The following MCTP1 variants were observed in gnomAD, a reference collection of about 807,000 sequenced individuals.
MCTP1 encodes the protein multiple C2 and transmembrane domain-containing protein 1.
Under a neutral mutation model 120.6 loss-of-function variants are expected in MCTP1, and 69 were observed. The observed-to-expected ratio is 0.57, with a 90% CI of 0.47 to 0.70. The LOEUF (loss-of-function observed/expected upper bound fraction) is 0.70. Among genes scored for constraint, MCTP1 ranks in the 30% least tolerant of loss-of-function variants. MCTP1 has a pLI of 0.00. For missense variants in MCTP1, 1,203 were observed against 1,248.8 expected (o/e 0.96, Z 0.55); for synonymous variants, 529 against 493.1 (o/e 1.07, Z -0.96).
At chr5:94,821,420 TC>T (rs1012379594) in intron 17 of MCTP1, among the ~76,000 whole-genome samples, 54 of 152,286 alleles carry the variant, frequency 3.5e-4, no homozygotes, top group African/African-American at 1.3e-3. Flanking sequence ...ATTTTGATCT[TC>T]CCCTGTCTAG....
At chr5:95,272,861 G>GT (rs1293234597) in intron 1 of MCTP1, among the ~76,000 whole-genome samples, 7 of 152,288 alleles carry the variant, frequency 4.6e-5, no homozygotes, top group Non-Finnish European at 5.9e-5. Context: ...AAATGGTCAA[G>GT]TTTTTTTTCC....
rs2152749524 is a variant in MCTP1, at chr5:95,284,103, G to T, written c.473C>A (p.Ser158Tyr). The T allele has an allele frequency of 6.4e-7, 1 of 1,551,372 alleles. No individual in the cohort carries two copies. The highest frequency in any genetic ancestry group is 2.4e-5 in the East Asian group (1 of 41,160). Residue 158 changes from serine to tyrosine, a missense_variant, in exon 1 of 23, where the codon TCC becomes TAC. Ser to Tyr is a moderately radical substitution (Grantham distance 144, BLOSUM62 -2). This residue lies in a region of MCTP1 where 463 missense variants were observed against 377.8 expected (regional missense o/e 1.23). Coordinates refer to ENST00000515393, the MANE Select transcript of MCTP1 (RefSeq NM_024717.7). The surrounding 1 kb of genome is among the most constrained non-coding windows in gnomAD (Gnocchi z 5.2). ...CAGGGAGGATGAGGCGGAGGAAGAG[G>T]AAGGAGCTGAGTCGGGGGAGCGTCC... is the stretch of plus-strand genomic sequence containing the variant. ...PGGRSPDSAP[S>Y]SSSASSSLSS...
chr5:95,031,935 G>A (rs1339012887), intron 1 of MCTP1, among the ~76,000 whole-genome samples: 2 of 152,092 alleles, frequency 1.3e-5, no homozygotes. Context: ...AAGAACTGTG[G>A]TTGCTATTCT....
chr5:95,205,176 G>C (rs979703477), intron 1 of MCTP1, among the ~76,000 whole-genome samples: 1 of 152,144 alleles, frequency 6.6e-6, no homozygotes, highest in African/African-American at 2.4e-5. Flanking sequence ...GAGAGTCCAT[G>C]AGTAAAGCCT....
intron 17 of MCTP1, among the ~76,000 whole-genome samples, chr5:94,864,033 C>T (rs1796318827): frequency 6.6e-6 from 1 of 151,552 alleles, no homozygotes; most frequent in African/African-American, 2.4e-5. Flanking sequence ...TCAAAAGGAC[C>T]CAGAAAAAAA....
intron 17 of MCTP1, 191 bp downstream of exon 17, chr5:94,868,142 A>C: frequency 2.4e-6 from 1 of 413,218 alleles, no homozygotes; most frequent in East Asian, 3.8e-5. Flanking sequence ...GAGGGGGGAA[A>C]ATGTATTCTT....
At position 94,740,699 on chromosome 5, in the gene MCTP1, C is replaced by T. The variant is rs557092211; in HGVS notation, c.2611-25813G>A. ...CTCTGCTTCTGTTTATTTGGTCAGTCGGTCCATATTTCCGAGTGCCAACTG... is the reference window on the plus strand; with the variant it reads ...CTCTGCTTCTGTTTATTTGGTCAGTTGGTCCATATTTCCGAGTGCCAACTG... On this transcript the variant is annotated intron_variant, in intron 19 of 22. Coordinates refer to ENST00000515393, the MANE Select transcript of MCTP1 (RefSeq NM_024717.7). Among the ~76,000 whole-genome samples, 6 of 152,258 alleles carry T rather than the reference C, an allele frequency of 3.9e-5. No homozygotes were observed. The East Asian group carries it at 5.8e-4, about 15-fold the overall frequency.
chr5:94,778,977 T>G, intron 19 of MCTP1, 133 bp downstream of exon 19: 1 of 732,766 alleles, frequency 1.4e-6, no homozygotes, highest in South Asian at 1.6e-5. Flanking sequence ...AGTGGCATTG[T>G]TAGGATGATA....
At chr5:95,188,966 A>G (rs957774528) in intron 1 of MCTP1, among the ~76,000 whole-genome samples, 24 of 152,180 alleles carry the variant, frequency 1.6e-4, no homozygotes, top group African/African-American at 5.5e-4. Context: ...TCTCTGTGTT[A>G]TGTCTTAAAA....
intron 1 of MCTP1, among the ~76,000 whole-genome samples, chr5:95,247,182 G>C (rs1312299555): frequency 1.3e-5 from 2 of 152,150 alleles, no homozygotes. Context: ...TTTGCATAGA[G>C]GTGTTTATAG....
At chr5:94,777,374 C>T (rs1003967464) in intron 19 of MCTP1, among the ~76,000 whole-genome samples, 1 of 152,100 alleles carries the variant, frequency 6.6e-6, no homozygotes, top group African/African-American at 2.4e-5. Context: ...ACCAGGTGTG[C>T]CTATTTCTCA....
intron 1 of MCTP1, among the ~76,000 whole-genome samples, chr5:95,265,201 C>T (rs1163228309): frequency 6.6e-6 from 1 of 152,132 alleles, no homozygotes; most frequent in Non-Finnish European, 1.5e-5. Flanking sequence ...GAGTCAGCCC[C>T]AGCAGCAGCT....
intron 18 of MCTP1, among the ~76,000 whole-genome samples, chr5:94,787,503 T>C (rs1348150866): frequency 3.3e-5 from 5 of 150,690 alleles, no homozygotes; most frequent in African/African-American, 1.3e-4. Context: ...CCACAGGACT[T>C]ACAAGGGAAC....
intron 1 of MCTP1, among the ~76,000 whole-genome samples, chr5:95,030,716 A>T (rs1036725767): frequency 2.0e-5 from 3 of 152,372 alleles, no homozygotes; most frequent in Admixed American, 2.0e-4. Context: ...TAAGAAGCAG[A>T]TGAGAAGGAA....
intron 1 of MCTP1, among the ~76,000 whole-genome samples, chr5:95,098,929 G>A (rs1756487808): frequency 6.6e-6 from 1 of 152,128 alleles, no homozygotes; most frequent in Non-Finnish European, 1.5e-5. Context: ...CAGAGATATA[G>A]ATTAATGGAA....
intron 1 of MCTP1, among the ~76,000 whole-genome samples, chr5:95,127,705 G>A (rs1258051419): frequency 6.6e-6 from 1 of 152,168 alleles, no homozygotes; most frequent in Non-Finnish European, 1.5e-5. Flanking sequence ...TGAGTGGTCA[G>A]CAGATGACTC....
intron 1 of MCTP1, among the ~76,000 whole-genome samples, chr5:95,155,083 T>C (rs182619775): frequency 1.3e-5 from 2 of 152,290 alleles, no homozygotes; most frequent in East Asian, 3.9e-4. Context: ...CAATAATTAT[T>C]AGTGAAATCA....
intron 19 of MCTP1, among the ~76,000 whole-genome samples, chr5:94,774,633 G>A (rs115266389): frequency 0.016 from 2,474 of 152,266 alleles, 21 homozygotes; most frequent in Non-Finnish European, 0.022. Context: ...GAACCCAACT[G>A]AGCTGTGCTG....
intron 1 of MCTP1, among the ~76,000 whole-genome samples, chr5:95,177,133 A>G (rs1748088447): frequency 6.6e-6 from 1 of 151,148 alleles, no homozygotes; most frequent in Non-Finnish European, 1.5e-5. Context: ...GTATACATAG[A>G]AATATATATT....
Sources: gnomAD v4.1 joint callset for allele counts (sites outside exome capture counted in the v4.1 genomes callset) on GRCh38, gnomAD v4.1.1 for gene constraint, gnomAD v4.1.1 regional missense constraint, Gnocchi (gnomAD v3.1) non-coding constraint, MANE v1.5 for transcripts, NCBI Gene and HGNC (gene_info 2026-07-23, HGNC 2026-07-21) for gene names.